The following NEGR1 variants were observed in gnomAD, a reference collection of about 807,000 sequenced individuals.
NEGR1 encodes neuronal growth regulator 1, also known as IgLON family member 4.
NEGR1 carries 10 observed loss-of-function variants against 40.9 expected under a neutral mutation model. That is an observed-to-expected ratio of 0.24 (90% CI 0.15 to 0.42). The LOEUF is 0.42. NEGR1 is among the 10% of genes least tolerant of loss of function. NEGR1 has a pLI of 1.00. For synonymous variants in NEGR1, 185 were observed against 166.8 expected (o/e 1.11, Z -0.84); for missense variants, 352 against 438.9 (o/e 0.80, Z 1.77).
intron 2 of NEGR1, among the ~76,000 whole-genome samples, chr1:71,902,955 GA>G (rs1246848388): frequency 6.6e-6 from 1 of 151,434 alleles, no homozygotes; most frequent in East Asian, 1.9e-4. Context: ...TATTATAATT[GA>G]AAAAAACATG....
intron 2 of NEGR1, among the ~76,000 whole-genome samples, chr1:71,825,872 G>A (rs770390927): frequency 5.3e-5 from 8 of 151,898 alleles, no homozygotes; most frequent in Non-Finnish European, 8.8e-5. Context: ...TTAGTATTGT[G>A]ACATGTATCC....
chr1:71,732,304 A>G (rs1311027913), intron 3 of NEGR1, among the ~76,000 whole-genome samples: 4 of 152,084 alleles, frequency 2.6e-5, no homozygotes, highest in African/African-American at 9.7e-5. Context: ...TTGGGTGACA[A>G]AGTGAGACCT....
intron 4 of NEGR1, 160 bp downstream of exon 4, chr1:71,697,848 A>G: frequency 3.1e-6 from 2 of 642,784 alleles, no homozygotes; most frequent in East Asian, 2.8e-5. Flanking sequence ...ACATTAACCA[A>G]TTTAACCAAC....
intron 2 of NEGR1, among the ~76,000 whole-genome samples, chr1:71,792,579 G>A (rs1207163116): frequency 6.6e-6 from 1 of 152,096 alleles, no homozygotes; most frequent in African/African-American, 2.4e-5. Flanking sequence ...GACTATGGTT[G>A]ATTTTTTCTA....
chr1:71,511,447 C>T (rs1460213908), intron 6 of NEGR1, among the ~76,000 whole-genome samples: 1 of 152,130 alleles, frequency 6.6e-6, no homozygotes, highest in East Asian at 1.9e-4. Context: ...TATATACATT[C>T]CCTTCTGTCT....
At chr1:71,680,591 T>TATAC (rs934720975) in intron 4 of NEGR1, among the ~76,000 whole-genome samples, 3 of 152,120 alleles carry the variant, frequency 2.0e-5, no homozygotes, top group African/African-American at 4.8e-5. Flanking sequence ...CCTTTTCCAC[T>TATAC]GTATGTTCAT....
intron 6 of NEGR1, among the ~76,000 whole-genome samples, chr1:71,543,804 C>A (rs1478378806): frequency 6.6e-6 from 1 of 151,596 alleles, no homozygotes; most frequent in Non-Finnish European, 1.5e-5. Flanking sequence ...AAGTCTTGTA[C>A]CAAATTACAT....
intron 4 of NEGR1, among the ~76,000 whole-genome samples, chr1:71,695,296 A>G (rs540143319): frequency 3.3e-5 from 5 of 151,898 alleles, no homozygotes; most frequent in Non-Finnish European, 5.9e-5. Flanking sequence ...AAAAGGGTGA[A>G]TTATCAAAGG....
chr1:72,261,348 T>G (rs1655448010), intron 1 of NEGR1, among the ~76,000 whole-genome samples: 1 of 152,068 alleles, frequency 6.6e-6, no homozygotes, highest in African/African-American at 2.4e-5. Context: ...AAATAGAAAT[T>G]TAATAGGCAA....
intron 1 of NEGR1, among the ~76,000 whole-genome samples, chr1:71,945,688 T>C (rs866776656): frequency 5.3e-5 from 8 of 152,248 alleles, no homozygotes; most frequent in South Asian, 4.1e-4. Context: ...GTTATAAAAG[T>C]TGTACTGGGA....
chr1:72,131,622 A>G (rs1299153404), intron 1 of NEGR1, among the ~76,000 whole-genome samples: 1 of 152,234 alleles, frequency 6.6e-6, no homozygotes, highest in African/African-American at 2.4e-5. Flanking sequence ...TGTTATTCTC[A>G]GAGAAGACTG....
intron 3 of NEGR1, among the ~76,000 whole-genome samples, chr1:71,741,288 G>A (rs1391639469): frequency 1.3e-5 from 2 of 152,018 alleles, no homozygotes; most frequent in African/African-American, 4.8e-5. Flanking sequence ...AAGCAATATG[G>A]TACTCTGTGT....
At chr1:72,042,618 C>A (rs1368649085) in intron 1 of NEGR1, among the ~76,000 whole-genome samples, 2 of 151,958 alleles carry the variant, frequency 1.3e-5, no homozygotes, top group African/African-American at 4.8e-5. Flanking sequence ...AGTTCAGAAA[C>A]CACATAAGCA....
intron 1 of NEGR1, among the ~76,000 whole-genome samples, chr1:72,145,670 A>G (rs1218253205): frequency 1.3e-5 from 2 of 152,118 alleles, no homozygotes; most frequent in African/African-American, 4.8e-5. Flanking sequence ...CACATCTCAC[A>G]AGACAGTTGA....
intron 3 of NEGR1, among the ~76,000 whole-genome samples, chr1:71,715,793 T>C (rs1259676152): frequency 6.6e-6 from 1 of 152,196 alleles, no homozygotes; most frequent in Non-Finnish European, 1.5e-5. Flanking sequence ...TATTAGCATT[T>C]TGGTCAAAGC....
At chr1:71,920,639 A>G (rs1299432959) in intron 2 of NEGR1, among the ~76,000 whole-genome samples, 3 of 152,206 alleles carry the variant, frequency 2.0e-5, no homozygotes, top group African/African-American at 7.2e-5. Flanking sequence ...TTCTTTTCCA[A>G]CACTTACAAC....
chr1:71,611,573 A>G (rs1321320080), intron 4 of NEGR1, among the ~76,000 whole-genome samples: 2 of 152,154 alleles, frequency 1.3e-5, no homozygotes, highest in Non-Finnish European at 2.9e-5. Flanking sequence ...TATTATCTCA[A>G]TTTTACAAAT....
intron 4 of NEGR1, among the ~76,000 whole-genome samples, chr1:71,622,095 G>T (rs1378730162): frequency 6.6e-6 from 1 of 151,926 alleles, no homozygotes; most frequent in East Asian, 1.9e-4. Flanking sequence ...GCTCACTCCA[G>T]TGATGCATCC....
chr1:72,021,842 G>A (rs3128549), intron 1 of NEGR1, among the ~76,000 whole-genome samples: 52,518 of 152,034 alleles, frequency 0.35, 11,086 homozygotes, highest in African/African-American at 0.59. Context: ...TTTTCAAAGC[G>A]TAGAAACAAG....
Sources: allele counts gnomAD v4.1 joint callset (sites outside exome capture counted in the v4.1 genomes callset), GRCh38; gene constraint gnomAD v4.1.1; transcripts MANE v1.5; gene names NCBI Gene and HGNC (gene_info 2026-07-23, HGNC 2026-07-21).